The following ZBTB43 variants were observed in gnomAD, a reference collection of about 807,000 sequenced individuals.
ZBTB43 encodes zinc finger and BTB domain-containing protein 43.
ZBTB43 carries 6 observed loss-of-function variants against 31.1 expected under a neutral mutation model. The observed-to-expected ratio is 0.19, with a 90% CI of 0.11 to 0.38. The LOEUF (loss-of-function observed/expected upper bound fraction) is 0.38. Ranked by LOEUF, ZBTB43 falls within the 10% of genes least tolerant of loss-of-function variation. The probability of loss-of-function intolerance (pLI) is 1.00; values close to 1 mark genes in which losing one functional copy is unlikely to be tolerated. For missense variants in ZBTB43, 379 were observed against 602.1 expected (o/e 0.63, Z 3.88); for synonymous variants, 212 against 221.7 (o/e 0.96, Z 0.39).
intron 2 of ZBTB43, among the ~76,000 whole-genome samples, chr9:126,820,885 G>A (rs967635722): frequency 8.1e-5 from 12 of 148,486 alleles, no homozygotes; most frequent in African/African-American, 1.7e-4. Flanking sequence ...GGAGGATCAC[G>A]TGAGCCAGAG....
rs150887826 is a variant in ZBTB43, at chr9:126,835,715, AAT to A, written c.*1815_*1816del. 34 of 165,268 alleles carry A rather than the reference AAT, an allele frequency of 2.1e-4. No homozygotes were observed. The highest frequency in any genetic ancestry group is 5.8e-4 in the East Asian group (3 of 5,174). The allele number at this position is 165,268 out of a possible 1,614,324, so 10.2% of individuals were successfully genotyped here. A position where few individuals can be genotyped will look rare whatever the true frequency, so the allele number is the denominator to read the frequency against. On this transcript the variant is annotated 3_prime_UTR_variant, in exon 3 of 3. Transcript: ENST00000373464. Reference sequence around the variant, plus strand: ...ACTTTGTATTTAAAACTTTATTATAAATATATATATATATTGTTTTTTTTTAA... The same window carrying A: ...ACTTTGTATTTAAAACTTTATTATAAATATATATATATTGTTTTTTTTTAA...
intron 2 of ZBTB43, among the ~76,000 whole-genome samples, chr9:126,822,605 G>A (rs1032712035): frequency 1.3e-5 from 2 of 152,002 alleles, no homozygotes; most frequent in Non-Finnish European, 2.9e-5. Context: ...GCTGAACATG[G>A]TGATGCATGC....
chr9:126,827,478 A>G (rs1407236789), intron 2 of ZBTB43, among the ~76,000 whole-genome samples: 2 of 152,128 alleles, frequency 1.3e-5, no homozygotes, highest in East Asian at 1.9e-4. Context: ...ATTTATGCAC[A>G]CTGATCTCTT....
intron 2 of ZBTB43, among the ~76,000 whole-genome samples, chr9:126,809,990 A>G (rs979271286): frequency 4.0e-5 from 6 of 151,632 alleles, no homozygotes; most frequent in African/African-American, 1.5e-4. Context: ...GCCGGCCACC[A>G]CACCCGGCTA....
intron 2 of ZBTB43, among the ~76,000 whole-genome samples, chr9:126,822,274 CT>C (rs368113389): frequency 1.3e-5 from 2 of 151,818 alleles, no homozygotes; most frequent in African/African-American, 2.4e-5. Context: ...TTGGACACCC[CT>C]GATTTAGAAT....
chr9:126,811,844 T>G (rs1030239160), intron 2 of ZBTB43, among the ~76,000 whole-genome samples: 2 of 152,200 alleles, frequency 1.3e-5, no homozygotes, highest in Admixed American at 1.3e-4. Context: ...CAGGCTGGTC[T>G]CGAACTCCCG....
At chr9:126,818,596 C>G (rs1235861865) in intron 2 of ZBTB43, among the ~76,000 whole-genome samples, 2 of 152,170 alleles carry the variant, frequency 1.3e-5, no homozygotes, top group Admixed American at 6.5e-5. Flanking sequence ...GATGCTTTTT[C>G]TGTGTCAGTT....
intron 2 of ZBTB43, among the ~76,000 whole-genome samples, chr9:126,818,912 T>C (rs913912439): frequency 2.0e-5 from 3 of 152,202 alleles, no homozygotes; most frequent in African/African-American, 7.2e-5. Context: ...TTCAGTGTTT[T>C]AGAAAAGTTT....
In ZBTB43 at chr9:126,835,649, A is replaced by T. The variant is rs1395343841; in HGVS notation, c.*1736A>T. The stretch of plus-strand genomic sequence containing the variant: ...CTTGTAAGCAAGATTACAAACAGGG[A>T]TTTATTCACAACACTGTATCATTCT... On this transcript the variant is annotated 3_prime_UTR_variant, in exon 3 of 3. Transcript: ENST00000373464. The T allele has an allele frequency of 6.0e-6, 1 of 166,982 alleles. No homozygotes were observed. The highest frequency in any genetic ancestry group is 1.9e-4 in the East Asian group (1 of 5,202). The allele number at this position is 166,982 out of a possible 1,614,324, so 10.3% of individuals were successfully genotyped here. A position where few individuals can be genotyped will look rare whatever the true frequency, so the allele number is the denominator to read the frequency against.
Position 126,838,158 on chromosome 9 carries a change from A to G in ZBTB43, c.*4245A>G, listed in dbSNP as rs1390233260. 2 of 165,334 alleles carry G rather than the reference A, an allele frequency of 1.2e-5. No homozygotes were observed. The highest frequency in any genetic ancestry group is 2.9e-5 in the Non-Finnish European group (2 of 68,120). The allele number at this position is 165,334 out of a possible 1,614,324, so 10.2% of individuals were successfully genotyped here. A position where few individuals can be genotyped will look rare whatever the true frequency, so the allele number is the denominator to read the frequency against. Reference sequence around the variant, plus strand: ...ATATTTTCTTCTTATAGAAGAGATCATGCCCTTTTGTATGACATGTTTTAA... The same window carrying G: ...ATATTTTCTTCTTATAGAAGAGATCGTGCCCTTTTGTATGACATGTTTTAA... On this transcript the variant is annotated 3_prime_UTR_variant, in exon 3 of 3. Coordinates refer to ENST00000373464, the MANE Select transcript of ZBTB43 (RefSeq NM_014007.4).
At chr9:126,829,821 C>T (rs2032727670) in intron 2 of ZBTB43, among the ~76,000 whole-genome samples, 1 of 152,090 alleles carries the variant, frequency 6.6e-6, no homozygotes, top group African/African-American at 2.4e-5. Context: ...TCTGTTCACC[C>T]AGATGTAGTT....
At chr9:126,817,166 A>C (rs1028797215) in intron 2 of ZBTB43, among the ~76,000 whole-genome samples, 2 of 123,752 alleles carry the variant, frequency 1.6e-5, no homozygotes, top group East Asian at 5.3e-4. Context: ...GCTGGAGTGC[A>C]GTGGTGGCAG....
At position 126,834,821 on chromosome 9, in the gene ZBTB43, T is replaced by TA. The variant is rs1215541317; in HGVS notation, c.*909dup. ...GGCTGCCACAGCCCCTGCTCTGTCT[T>TA]AGATTATGGTGCTTTACAAAGAGAG... On this transcript the variant is annotated 3_prime_UTR_variant, in exon 3 of 3. Coordinates refer to ENST00000373464, the MANE Select transcript of ZBTB43 (RefSeq NM_014007.4). The TA allele has an allele frequency of 4.8e-5, 8 of 167,070 alleles. No individual in the cohort carries two copies. The highest frequency in any genetic ancestry group is 1.4e-4 in the African/African-American group (6 of 41,446). 10.3% of individuals were successfully genotyped at this position (167,070 alleles called of 1,614,324 possible).
rs531958155 is a variant in ZBTB43 at position 126,833,588 on chromosome 9, A to C, written c.1079A>C (p.Glu360Ala). 2 of 1,614,104 alleles carry C rather than the reference A, an allele frequency of 1.2e-6. No homozygotes were observed. Among genetic ancestry groups the C allele is most frequent in the African/African-American group, 1.3e-5 (1 of 75,048 alleles). The change falls in exon 3 of 3, where the codon GAA (glutamate) becomes GCA (alanine). Residue 360 changes from glutamate to alanine, a missense_variant. This residue lies in a region of ZBTB43 where 253 missense variants were observed against 322.3 expected (regional missense o/e 0.79). Transcript: ENST00000373464. This position sits in a 1 kb window ranked among gnomAD's most constrained non-coding sequence, Gnocchi z 7.9. ...GAAATGGTAACAGGGATTAAAGAAG[A>C]AGCTTCCCACTTAGGATTCTCAGCC... ...NIEMVTGIKEEASHLGFSATD... is the reference protein window; with the variant it reads ...NIEMVTGIKEAASHLGFSATD...
At chr9:126,825,575 C>T (rs1048987248) in intron 2 of ZBTB43, among the ~76,000 whole-genome samples, 1 of 152,126 alleles carries the variant, frequency 6.6e-6, no homozygotes, top group African/African-American at 2.4e-5. Context: ...GTCTTTTCTT[C>T]GTGGTTGTGC....
intron 2 of ZBTB43, among the ~76,000 whole-genome samples, chr9:126,827,025 C>T (rs1378832875): frequency 1.3e-5 from 2 of 152,164 alleles, no homozygotes; most frequent in African/African-American, 4.8e-5. Flanking sequence ...ACTGTGGTAA[C>T]TCTGGAAATC....
chr9:126,816,117 A>AT (rs1477363939), intron 2 of ZBTB43, among the ~76,000 whole-genome samples: 1 of 152,014 alleles, frequency 6.6e-6, no homozygotes, highest in Non-Finnish European at 1.5e-5. Context: ...AATTAAATTT[A>AT]TTTTTTATTA....
At chr9:126,830,354 G>A (rs905631904) in intron 2 of ZBTB43, among the ~76,000 whole-genome samples, 1 of 152,260 alleles carries the variant, frequency 6.6e-6, no homozygotes, top group African/African-American at 2.4e-5. Flanking sequence ...ATCATACTTA[G>A]AAAACTTGGG....
At chr9:126,810,780 G>A (rs986462656) in intron 2 of ZBTB43, among the ~76,000 whole-genome samples, 7 of 151,750 alleles carry the variant, frequency 4.6e-5, no homozygotes, top group African/African-American at 1.2e-4. Context: ...TGGGATTACA[G>A]GAGTGAGCCA....
Sources: allele counts gnomAD v4.1 joint callset (sites outside exome capture counted in the v4.1 genomes callset), GRCh38; gene constraint gnomAD v4.1.1; regional missense constraint gnomAD v4.1.1; non-coding constraint Gnocchi (gnomAD v3.1); transcripts MANE v1.5; gene names NCBI Gene and HGNC (gene_info 2026-07-23, HGNC 2026-07-21).